SLC6A7: variants seen among roughly 807,000 people sequenced by gnomAD.
SLC6A7 encodes solute carrier family 6 member 7, also known as sodium-dependent proline transporter.
SLC6A7 carries 58 observed loss-of-function variants against 73.1 expected under a neutral mutation model. The observed-to-expected ratio is 0.79, with a 90% CI of 0.64 to 0.99. The LOEUF is 0.99. Among genes scored for constraint, SLC6A7 ranks in the 50% least tolerant of loss-of-function variants. The probability of loss-of-function intolerance (pLI) is 0.00; values close to 1 mark genes in which losing one functional copy is unlikely to be tolerated. For synonymous variants in SLC6A7, 338 were observed against 338.7 expected, an observed-to-expected ratio of 1.00 and a Z score of 0.02; for missense variants, 783 against 831.4, an observed-to-expected ratio of 0.94 and a Z score of 0.72.
At chr5:150,197,970 C>A (rs1405576758) in intron 4 of SLC6A7, among the ~76,000 whole-genome samples, 2 of 151,802 alleles carry the variant, frequency 1.3e-5, no homozygotes, top group Non-Finnish European at 2.9e-5. Flanking sequence ...ACGTTGCACT[C>A]ATCAGCCTAT....
intron 13 of SLC6A7, 136 bp from the exon 14 acceptor site, chr5:150,209,270 C>A (rs536188043): frequency 9.8e-6 from 7 of 716,902 alleles, no homozygotes; most frequent in Non-Finnish European, 1.7e-5. Context: ...TAGTGCCCCC[C>A]ACTTCCCCGC....
rs1753045807 is a variant in SLC6A7 at position 150,196,781 on chromosome 5, C to T, written c.283C>T (p.Leu95Phe). The T allele has an allele frequency of 6.2e-7, 1 of 1,613,936 alleles. No homozygotes were observed. The highest frequency in any genetic ancestry group is 8.5e-7 in the Non-Finnish European group (1 of 1,179,922). ...ICGIPLFFLE[L>F]SLGQFSSLGP... ...TGGCATCCCCCTCTTCTTCCTGGAG[C>T]TCTCCCTGGGCCAGTTCTCCAGCCT... Residue 95 changes from leucine (L) to phenylalanine (F), a missense_variant, in exon 3 of 14, where the codon CTC becomes TTC. Transcript: ENST00000230671.
At chr5:150,209,091 G>A (rs943635053) in intron 13 of SLC6A7, among the ~76,000 whole-genome samples, 11 of 152,222 alleles carry the variant, frequency 7.2e-5, no homozygotes, top group African/African-American at 2.2e-4. Context: ...TGCTAAGTGC[G>A]TCATCTCAGT....
At chr5:150,197,787 C>CTTAG (rs1241581476) in intron 4 of SLC6A7, among the ~76,000 whole-genome samples, 1 of 152,158 alleles carries the variant, frequency 6.6e-6, no homozygotes, top group Non-Finnish European at 1.5e-5. Flanking sequence ...AGGTAAAGCA[C>CTTAG]TTAGCATAAG....
intron 9 of SLC6A7, 62 bp downstream of exon 9, chr5:150,203,841 G>GTGTA (rs1193807342): frequency 2.0e-5 from 27 of 1,379,434 alleles, no homozygotes; most frequent in Middle Eastern, 3.6e-4. Flanking sequence ...GTGTGTGTGT[G>GTGTA]TGTGTGTGTG....
At chr5:150,201,789 T>C (rs979303441) in intron 6 of SLC6A7, among the ~76,000 whole-genome samples, 8 of 152,150 alleles carry the variant, frequency 5.3e-5, no homozygotes, top group Non-Finnish European at 1.2e-4. Context: ...ATGTTAATAT[T>C]TATTGACTGG....
Position 150,203,707 on chromosome 5 carries a change from C to A in SLC6A7, c.1128C>A (p.Thr376=). 6.2e-7 allele frequency: 1 copy of A among 1,612,944 alleles called. No homozygotes were observed. Among genetic ancestry groups the A allele is most frequent in the Non-Finnish European group, 8.5e-7 (1 of 1,178,978 alleles). Residue 376 remains threonine, a synonymous_variant, in exon 9 of 14, where the codon ACC becomes ACA. Coordinates refer to ENST00000230671, the MANE Select transcript of SLC6A7 (RefSeq NM_014228.5). ...LAFVVYPQAM[T]MLPLSPFWSF... The stretch of plus-strand genomic sequence containing the variant: ...TTGTCGTCTACCCACAGGCCATGAC[C>A]ATGCTGCCTCTGTCACCCTTCTGGT...
rs1753929826 is a variant in SLC6A7, at chr5:150,210,624, G to A, written c.*1009G>A. 1 of 152,396 alleles carries A rather than the reference G, an allele frequency of 6.6e-6. No individual in the cohort carries two copies. The highest frequency in any genetic ancestry group is 2.4e-5 in the African/African-American group (1 of 41,442). 9.4% of individuals were successfully genotyped at this position (152,396 alleles called of 1,614,324 possible). A position where few individuals can be genotyped will look rare whatever the true frequency, so the allele number is the denominator to read the frequency against. ...CGCAAAAGCTGGGGAGGTAGGAAGG[G>A]TCACTGTGAGGGCCCAGGGCCCCTC... On this transcript the variant is annotated 3_prime_UTR_variant, in exon 14 of 14. Coordinates refer to ENST00000230671, the MANE Select transcript of SLC6A7 (RefSeq NM_014228.5).
In SLC6A7 at chr5:150,209,418, G is replaced by GT; in HGVS notation, c.1714_1715insT (p.Ala572ValfsTer56). The GT allele has an allele frequency of 2.5e-6, 4 of 1,613,514 alleles. No individual in the cohort carries two copies. Among genetic ancestry groups the GT allele is most frequent in the Non-Finnish European group, 3.4e-6 (4 of 1,179,984 alleles). On this transcript the variant is annotated frameshift_variant, in exon 14 of 14. Coordinates refer to ENST00000230671, the MANE Select transcript of SLC6A7 (RefSeq NM_014228.5). LOFTEE classifies it high-confidence loss of function. ...TGCTTTGCTGCAGCGGCTCCAACAG[G>GT]CCAGCCGGCCGGCCATGGACTGGGG...
Position 150,209,793 on chromosome 5 carries a change from A to G in SLC6A7, c.*178A>G. ...GCCTCTGCCTCTCCTGAAACCTCTG[A>G]CAACCCCCTACACACACACACAGGC... On this transcript the variant is annotated 3_prime_UTR_variant, in exon 14 of 14. Coordinates refer to ENST00000230671, the MANE Select transcript of SLC6A7 (RefSeq NM_014228.5). The G allele has an allele frequency of 1.6e-6, 1 of 621,768 alleles. No homozygotes were observed. Among genetic ancestry groups the G allele is most frequent in the African/African-American group, 1.8e-5 (1 of 54,382 alleles). The allele number at this position is 621,768 out of a possible 1,614,324, so 38.5% of individuals were successfully genotyped here. A position where few individuals can be genotyped will look rare whatever the true frequency, so the allele number is the denominator to read the frequency against.
At chr5:150,204,510 C>T (rs748672295) in intron 10 of SLC6A7, 22 bp from the exon 11 acceptor site, 101 of 1,579,614 alleles carry the variant, frequency 6.4e-5, no homozygotes, top group Non-Finnish European at 7.7e-5. Flanking sequence ...AAGGGGACAC[C>T]AGAACTGTGC....
chr5:150,204,111 A>G, intron 10 of SLC6A7, 73 bp downstream of exon 10: 4 of 1,474,684 alleles, frequency 2.7e-6, no homozygotes, highest in Non-Finnish European at 2.8e-6. Context: ...TCTCTGGCCC[A>G]GCTGAGCAGT....
At chr5:150,208,866 A>T (rs1274662051) in intron 13 of SLC6A7, among the ~76,000 whole-genome samples, 1 of 152,178 alleles carries the variant, frequency 6.6e-6, no homozygotes, top group African/African-American at 2.4e-5. Context: ...AGGCAGAAGG[A>T]GGCAGGTCGG....
Position 150,199,441 on chromosome 5 carries a change from C to A in SLC6A7, c.723+75C>A, listed in dbSNP as rs1051760540. The A allele has an allele frequency of 1.8e-4, 181 of 1,019,976 alleles. 2 individuals carry two copies. The highest frequency in any genetic ancestry group is 3.0e-5 in the Non-Finnish European group (20 of 669,078). The allele number at this position is 1,019,976 out of a possible 1,614,324, so 63.2% of individuals were successfully genotyped here. A position where few individuals can be genotyped will look rare whatever the true frequency, so the allele number is the denominator to read the frequency against. On this transcript the variant is annotated intron_variant, in intron 5 of 13. Coordinates refer to ENST00000230671, the MANE Select transcript of SLC6A7 (RefSeq NM_014228.5). The stretch of plus-strand genomic sequence containing the variant: ...CTTCCTGGAGAAGGCAGGGCTTGGA[C>A]TGAGCATGAGAAGATGAAGAGACTT...
At chr5:150,204,498 GGAA>G in intron 10 of SLC6A7, 31 bp from the exon 11 acceptor site, 1 of 1,529,430 alleles carries the variant, frequency 6.5e-7, no homozygotes, top group Admixed American at 1.7e-5. Context: ...ACGAGGCCCA[GGAA>G]GGGGACACCA....
chr5:150,208,970 G>C (rs1033485980), intron 13 of SLC6A7, among the ~76,000 whole-genome samples: 10 of 152,186 alleles, frequency 6.6e-5, no homozygotes, highest in African/African-American at 2.4e-4. Context: ...TTAAGATTCA[G>C]CATTTAGGGG....
In SLC6A7 at chr5:150,190,213, C is replaced by A; in HGVS notation, c.-115C>A. The A allele has an allele frequency of 1.1e-6, 1 of 895,176 alleles. No individual in the cohort carries two copies. Among genetic ancestry groups the A allele is most frequent in the Admixed American group, 3.5e-5 (1 of 28,630 alleles). 55.5% of individuals were successfully genotyped at this position (895,176 alleles called of 1,614,324 possible). A position where few individuals can be genotyped will look rare whatever the true frequency, so the allele number is the denominator to read the frequency against. ...CGGCAGCGCCTGCGTCCGTGCCCGC[C>A]CCAGCCGGTGCGCGGGAGCCGCGGG... On this transcript the variant is annotated 5_prime_UTR_variant, in exon 1 of 14. Transcript: ENST00000230671.
intron 5 of SLC6A7, among the ~76,000 whole-genome samples, chr5:150,200,132 T>A (rs1753290432): frequency 6.6e-6 from 1 of 152,110 alleles, no homozygotes; most frequent in Admixed American, 6.5e-5. Context: ...AACTAGAGAC[T>A]GGAAGACAAA....
rs199856272 is a variant in SLC6A7 at position 150,196,763 on chromosome 5, C to T, written c.265C>T (p.Pro89Ser). The change falls in exon 3 of 14, where the codon CCC (proline) becomes TCC (serine). Residue 89 changes from proline to serine, a missense_variant. Physicochemically the swap from Pro to Ser is moderately conservative, Grantham distance 74. Coordinates refer to ENST00000230671, the MANE Select transcript of SLC6A7 (RefSeq NM_014228.5). Reference protein sequence around the residue: ...YFLMLAICGIPLFFLELSLGQ... With the variant: ...YFLMLAICGISLFFLELSLGQ... Reference sequence around the variant, plus strand: ...CCTCATGCTGGCCATCTGTGGCATCCCCCTCTTCTTCCTGGAGCTCTCCCT... The same window carrying T: ...CCTCATGCTGGCCATCTGTGGCATCTCCCTCTTCTTCCTGGAGCTCTCCCT... The T allele has an allele frequency of 3.1e-6, 5 of 1,614,112 alleles. No homozygotes were observed. Among genetic ancestry groups the T allele is most frequent in the Admixed American group, 1.7e-5 (1 of 60,018 alleles).
Sources: gnomAD v4.1 joint callset for allele counts (sites outside exome capture counted in the v4.1 genomes callset) on GRCh38, gnomAD v4.1.1 for gene constraint, MANE v1.5 for transcripts, NCBI Gene and HGNC (gene_info 2026-07-23, HGNC 2026-07-21) for gene names.